TPD52L1: variants seen among roughly 807,000 people sequenced by gnomAD.
TPD52L1 encodes tumor protein D53.
A neutral mutation model predicts 28.7 loss-of-function variants in TPD52L1; 18 were observed. The observed-to-expected ratio is 0.63, with a 90% confidence interval of 0.43 to 0.93. TPD52L1 has a LOEUF of 0.93. TPD52L1 is among the 40% of genes least tolerant of loss of function. TPD52L1 has a pLI of 0.00. For synonymous variants in TPD52L1, 75 were observed against 88.8 expected, an observed-to-expected ratio of 0.84 and a Z score of 0.88; for missense variants, 203 against 254.8, an observed-to-expected ratio of 0.80 and a Z score of 1.39.
intron 1 of TPD52L1, among the ~76,000 whole-genome samples, chr6:125,181,992 T>G (rs911161319): frequency 1.3e-5 from 2 of 152,180 alleles, no homozygotes; most frequent in African/African-American, 2.4e-5. Flanking sequence ...CACCCCTTCA[T>G]GTCAGTTTTT....
At position 125,156,463 on chromosome 6, in the gene TPD52L1, C is replaced by CA. The variant is rs758623258; in HGVS notation, c.19+2510dup. ...TCTGGACAAGAGTGAGACCTTGTCT[C>CA]AAAAAAAAAAAAAAAAAGAGAGAGA... On this transcript the variant is annotated intron_variant, in intron 1 of 6. Coordinates refer to ENST00000534000, the MANE Select transcript of TPD52L1 (RefSeq NM_003287.4). Among the ~76,000 whole-genome samples the CA allele has an allele frequency of 2.7e-3, 102 of 37,194 alleles. 1 individual carries two copies. Among genetic ancestry groups the CA allele is most frequent in the Middle Eastern group, 0.011 (1 of 88 alleles). 24.4% of individuals were successfully genotyped at this position (37,194 alleles called of 152,430 possible).
At chr6:125,222,691 G>A (rs1031971562) in intron 2 of TPD52L1, among the ~76,000 whole-genome samples, 2 of 152,194 alleles carry the variant, frequency 1.3e-5, no homozygotes, top group Non-Finnish European at 2.9e-5. Flanking sequence ...AGGCAGCTGT[G>A]ACCTAGGCAG....
intron 3 of TPD52L1, among the ~76,000 whole-genome samples, chr6:125,241,266 G>A (rs1298399703): frequency 6.6e-6 from 1 of 151,932 alleles, no homozygotes; most frequent in Non-Finnish European, 1.5e-5. Context: ...ATGTTCATCA[G>A]GGATATGTTT....
chr6:125,172,569 G>A (rs1253370310), intron 1 of TPD52L1, among the ~76,000 whole-genome samples: 1 of 61,436 alleles, frequency 1.6e-5, no homozygotes, highest in Non-Finnish European at 2.9e-5. Context: ...ATACTATATG[G>A]CATGAAATTA....
At chr6:125,172,205 CTTCTTTCTTTCT>C (rs1170368190) in intron 1 of TPD52L1, among the ~76,000 whole-genome samples, 1 of 98,902 alleles carries the variant, frequency 1.0e-5, no homozygotes, top group Non-Finnish European at 2.1e-5. Context: ...TTCTTTCTTT[CTTCTTTCTTTCT>C]TTCCTTCCTT....
chr6:125,259,215 T>G (rs1797773072), intron 6 of TPD52L1, among the ~76,000 whole-genome samples: 1 of 152,236 alleles, frequency 6.6e-6, no homozygotes, highest in Non-Finnish European at 1.5e-5. Context: ...TCCATTCACA[T>G]GCCCTGCTTT....
At chr6:125,258,546 C>A (rs963710404) in intron 6 of TPD52L1, among the ~76,000 whole-genome samples, 1 of 152,104 alleles carries the variant, frequency 6.6e-6, no homozygotes. Context: ...TAGACAAGTT[C>A]TGACAAAGGA....
intron 3 of TPD52L1, among the ~76,000 whole-genome samples, chr6:125,241,139 C>CAT (rs1450182675): frequency 1.3e-5 from 2 of 152,010 alleles, no homozygotes; most frequent in Non-Finnish European, 2.9e-5. Context: ...TATTGACTTG[C>CAT]ATATGTTAAA....
At chr6:125,157,211 T>A (rs2114725787) in intron 1 of TPD52L1, among the ~76,000 whole-genome samples, 1 of 152,284 alleles carries the variant, frequency 6.6e-6, no homozygotes, top group Admixed American at 6.5e-5. Context: ...CAGGTAAAGA[T>A]AAGTGAGATT....
intron 1 of TPD52L1, among the ~76,000 whole-genome samples, chr6:125,214,692 C>T (rs1371150915): frequency 2.0e-5 from 3 of 152,184 alleles, no homozygotes; most frequent in Admixed American, 6.5e-5. Flanking sequence ...CTGCCACTGG[C>T]AGATGGATGC....
rs1386175995 is a variant in TPD52L1 at position 125,220,095 on chromosome 6, C to G, written c.37C>G (p.Pro13Ala). 6.2e-7 allele frequency: 1 copy of G among 1,613,326 alleles called. No homozygotes were observed. Among genetic ancestry groups the G allele is most frequent in the African/African-American group, 1.3e-5 (1 of 74,856 alleles). The change falls in exon 2 of 7, where the codon CCG (proline) becomes GCG (alanine). Residue 13 changes from proline (P) to alanine (A), a missense_variant. Transcript: ENST00000534000. ...AQAQGLLETE[P>A]LQGTDEDAVA... ...GCCTAAAGGTTTGTTGGAGACTGAA[C>G]CGTTGCAAGGAACAGACGAAGATGC...
chr6:125,254,964 A>G (rs1797509301), intron 5 of TPD52L1, among the ~76,000 whole-genome samples: 1 of 152,212 alleles, frequency 6.6e-6, no homozygotes, highest in Non-Finnish European at 1.5e-5. Context: ...ATTCACCCTC[A>G]GTATTTAGTT....
chr6:125,167,286 T>C lies in TPD52L1; in HGVS notation c.19+13316T>C, dbSNP rs191974355. 4.6e-5 allele frequency among the ~76,000 whole-genome samples: 7 copies of C among 152,236 alleles called. No homozygotes were observed. The East Asian group carries it at 5.8e-4, about 13-fold the overall frequency. On this transcript the variant is annotated intron_variant, in intron 1 of 6. Coordinates refer to ENST00000534000, the MANE Select transcript of TPD52L1 (RefSeq NM_003287.4). Reference sequence around the variant, plus strand: ...ACAAAAAACAAAAAAACACCTCTTATGGCAAAGTGGCATATTTTGGGGTGG... The same window carrying C: ...ACAAAAAACAAAAAAACACCTCTTACGGCAAAGTGGCATATTTTGGGGTGG...
intron 1 of TPD52L1, among the ~76,000 whole-genome samples, chr6:125,159,750 C>A (rs892935640): frequency 6.8e-6 from 1 of 147,700 alleles, no homozygotes; most frequent in African/African-American, 2.6e-5. Flanking sequence ...GATCCACAAG[C>A]TGAAGAGTGG....
intron 1 of TPD52L1, chr6:125,154,373 G>A: frequency 1.0e-6 from 1 of 1,003,982 alleles, no homozygotes; most frequent in Non-Finnish European, 1.2e-6. Flanking sequence ...GCCCAGCGCC[G>A]TGGACTCGCG....
chr6:125,172,619 A>T (rs1582856942), intron 1 of TPD52L1, among the ~76,000 whole-genome samples: 1 of 104,728 alleles, frequency 9.5e-6, no homozygotes, highest in African/African-American at 4.6e-5. Context: ...ATATATAATT[A>T]TATATATATA....
intron 2 of TPD52L1, among the ~76,000 whole-genome samples, chr6:125,223,708 CA>C (rs11294390): frequency 0.13 from 9,107 of 70,700 alleles, 152 homozygotes; most frequent in East Asian, 0.28. Context: ...GATTCCATCT[CA>C]AAAAAAAAAA....
At chr6:125,234,819 G>T (rs1202474434) in intron 3 of TPD52L1, among the ~76,000 whole-genome samples, 1 of 152,056 alleles carries the variant, frequency 6.6e-6, no homozygotes, top group African/African-American at 2.4e-5. Flanking sequence ...ATCATTGAGT[G>T]CCATGGCTCA....
At chr6:125,182,476 G>A (rs183380095) in intron 1 of TPD52L1, among the ~76,000 whole-genome samples, 38 of 152,162 alleles carry the variant, frequency 2.5e-4, no homozygotes, top group Middle Eastern at 3.4e-3. Flanking sequence ...TTGAGGGGGT[G>A]GTTTTTGAGA....
Sources: gnomAD v4.1 joint callset for allele counts (sites outside exome capture counted in the v4.1 genomes callset) on GRCh38, gnomAD v4.1.1 for gene constraint, MANE v1.5 for transcripts, NCBI Gene and HGNC (gene_info 2026-07-23, HGNC 2026-07-21) for gene names.